CTNND2: variants seen among roughly 807,000 people sequenced by gnomAD.
CTNND2 encodes catenin delta-2.
CTNND2 carries 22 observed loss-of-function variants against 144.4 expected under a neutral mutation model. That is an observed-to-expected ratio of 0.15 (90% CI 0.11 to 0.22). The LOEUF (loss-of-function observed/expected upper bound fraction) is 0.22, where lower values mean the gene tolerates loss of function less well. CTNND2 is among the 10% of genes least tolerant of loss of function. The pLI is 1.00. For missense variants in CTNND2, 1,353 were observed against 1,618.8 expected (o/e 0.84, Z 2.82); for synonymous variants, 751 against 695.6 (o/e 1.08, Z -1.25).
At chr5:11,590,117 T>G (rs1358720567) in intron 2 of CTNND2, among the ~76,000 whole-genome samples, 2 of 151,272 alleles carry the variant, frequency 1.3e-5, no homozygotes, top group African/African-American at 2.4e-5. Flanking sequence ...GCGATCTAAG[T>G]GCACTGCAAG....
intron 3 of CTNND2, among the ~76,000 whole-genome samples, chr5:11,461,189 G>A (rs1387681336): frequency 6.6e-6 from 1 of 151,858 alleles, no homozygotes; most frequent in Non-Finnish European, 1.5e-5. Context: ...TGAATCTTGA[G>A]CCTCTAAAAG....
chr5:11,844,954 G>C (rs929227797), intron 1 of CTNND2, among the ~76,000 whole-genome samples: 10 of 152,078 alleles, frequency 6.6e-5, no homozygotes, highest in African/African-American at 2.4e-4. Flanking sequence ...AGGGGGGCAG[G>C]GGGGCAGGGA....
chr5:11,405,847 C>A (rs180944115), intron 5 of CTNND2, among the ~76,000 whole-genome samples: 1 of 152,100 alleles, frequency 6.6e-6, no homozygotes, highest in East Asian at 1.9e-4. Flanking sequence ...GACACCATGA[C>A]AAACCTCTGG....
chr5:11,010,885 A>T (rs1421426182), intron 18 of CTNND2, among the ~76,000 whole-genome samples: 4 of 152,240 alleles, frequency 2.6e-5, no homozygotes, highest in African/African-American at 9.6e-5. Flanking sequence ...AAAAGGAAGG[A>T]CATTGAAAGA....
chr5:11,207,643 T>A (rs559282089), intron 10 of CTNND2, among the ~76,000 whole-genome samples: 1 of 152,102 alleles, frequency 6.6e-6, no homozygotes, highest in Non-Finnish European at 1.5e-5. Context: ...GGTCTCTCCT[T>A]AGGGGCCTGG....
intron 5 of CTNND2, among the ~76,000 whole-genome samples, chr5:11,400,759 T>C (rs1290073364): frequency 1.3e-5 from 2 of 152,154 alleles, no homozygotes; most frequent in Non-Finnish European, 2.9e-5. Context: ...CACAGCAACC[T>C]GTGAAAAAAA....
chr5:11,255,586 A>G (rs1241816379), intron 9 of CTNND2, among the ~76,000 whole-genome samples: 1 of 152,064 alleles, frequency 6.6e-6, no homozygotes, highest in Admixed American at 6.6e-5. Context: ...CAAAATCCAT[A>G]CTTGGCTGCG....
intron 14 of CTNND2, among the ~76,000 whole-genome samples, chr5:11,099,447 G>T (rs1050917595): frequency 6.6e-6 from 1 of 152,024 alleles, no homozygotes; most frequent in Non-Finnish European, 1.5e-5. Context: ...TGGCTTACAC[G>T]CACAAAGGAA....
intron 7 of CTNND2, among the ~76,000 whole-genome samples, chr5:11,383,649 C>A (rs1758750431): frequency 6.6e-6 from 1 of 152,200 alleles, no homozygotes; most frequent in Admixed American, 6.5e-5. Context: ...CTCATGCATG[C>A]AACAAGCTCC....
At chr5:11,126,485 A>G (rs1754691419) in intron 12 of CTNND2, among the ~76,000 whole-genome samples, 1 of 152,234 alleles carries the variant, frequency 6.6e-6, no homozygotes, top group South Asian at 2.1e-4. Context: ...TTTCAAATCA[A>G]CAAAGCAGCC....
At chr5:10,999,253 C>T (rs1397687533) in intron 18 of CTNND2, among the ~76,000 whole-genome samples, 2 of 152,220 alleles carry the variant, frequency 1.3e-5, no homozygotes, top group Non-Finnish European at 2.9e-5. Flanking sequence ...TTGCTTCCCA[C>T]TGTCACTCAG....
chr5:11,841,365 C>A (rs1353112640), intron 1 of CTNND2, among the ~76,000 whole-genome samples: 2 of 152,106 alleles, frequency 1.3e-5, no homozygotes, highest in Non-Finnish European at 2.9e-5. Context: ...CCACCCCTAC[C>A]CCATAAGTCA....
intron 6 of CTNND2, among the ~76,000 whole-genome samples, chr5:11,395,710 C>A (rs925773515): frequency 6.6e-6 from 1 of 152,212 alleles, no homozygotes; most frequent in African/African-American, 2.4e-5. Context: ...ACTTACAAAG[C>A]CACTGATGAA....
chr5:11,686,571 G>C (rs748347031), intron 2 of CTNND2, among the ~76,000 whole-genome samples: 5 of 151,850 alleles, frequency 3.3e-5, no homozygotes, highest in Non-Finnish European at 5.9e-5. Flanking sequence ...CTCCAAAAAG[G>C]GGTTCTCAGT....
intron 18 of CTNND2, among the ~76,000 whole-genome samples, chr5:10,997,288 G>A (rs1200156828): frequency 6.6e-6 from 1 of 152,144 alleles, no homozygotes; most frequent in African/African-American, 2.4e-5. Flanking sequence ...TTATGTATGG[G>A]AACGATTAAA....
intron 1 of CTNND2, among the ~76,000 whole-genome samples, chr5:11,886,068 CA>C (rs912957147): frequency 1.3e-5 from 2 of 151,750 alleles, no homozygotes; most frequent in Non-Finnish European, 2.9e-5. Context: ...ATGCCTACAT[CA>C]AAAAAGTAGA....
intron 3 of CTNND2, among the ~76,000 whole-genome samples, chr5:11,477,758 C>T (rs997780253): frequency 2.0e-5 from 3 of 152,102 alleles, no homozygotes; most frequent in South Asian, 2.1e-4. Flanking sequence ...CAAATGTGTC[C>T]CTTTGCTATG....
At chr5:11,072,517 TATATTG>T (rs1748444005) in intron 16 of CTNND2, among the ~76,000 whole-genome samples, 2 of 152,246 alleles carry the variant, frequency 1.3e-5, no homozygotes, top group African/African-American at 4.8e-5. Flanking sequence ...AAATGGACAG[TATATTG>T]TTACGAACTT....
intron 1 of CTNND2, among the ~76,000 whole-genome samples, chr5:11,883,098 T>C (rs1736246904): frequency 6.6e-6 from 1 of 152,194 alleles, no homozygotes. Flanking sequence ...TCTTCATTTC[T>C]TTTTCTGACT....
Sources: allele counts gnomAD v4.1 joint callset (sites outside exome capture counted in the v4.1 genomes callset), GRCh38; gene constraint gnomAD v4.1.1; transcripts MANE v1.5; gene names NCBI Gene and HGNC (gene_info 2026-07-23, HGNC 2026-07-21).